SLC12A5: variants seen among roughly 807,000 people sequenced by gnomAD.
The protein encoded by SLC12A5 is K-Cl cotransporter 2.
A neutral mutation model predicts 124.0 loss-of-function variants in SLC12A5; 18 were observed. The observed-to-expected ratio is 0.15, with a 90% CI of 0.10 to 0.22. SLC12A5 has a LOEUF of 0.22. SLC12A5 is among the 10% of genes least tolerant of loss of function. The pLI is 1.00. For synonymous variants in SLC12A5, 589 were observed against 568.0 expected (o/e 1.04, Z -0.53); for missense variants, 867 against 1,478.7 (o/e 0.59, Z 6.78).
intron 11 of SLC12A5, chr20:46,044,709 G>C (rs1052989899): frequency 9.8e-6 from 5 of 509,586 alleles, no homozygotes; most frequent in Middle Eastern, 5.2e-4. Flanking sequence ...CTTCTGTAAG[G>C]GAATGCAGTG....
upstream of SLC12A5, among the ~76,000 whole-genome samples, chr20:46,028,514 T>A (rs2084417367): frequency 6.6e-6 from 1 of 152,082 alleles, no homozygotes; most frequent in Non-Finnish European, 1.5e-5. Context: ...ATGAGAGAGT[T>A]CCTTGGAACT....
intron 4 of SLC12A5, 34 bp downstream of exon 4, chr20:46,035,957 C>A: frequency 6.3e-7 from 1 of 1,586,296 alleles, no homozygotes; most frequent in Non-Finnish European, 8.6e-7. Context: ...CACCCCCTGA[C>A]AGCTGGGGCT....
At chr20:46,025,735 G>T (rs2084392235), upstream of SLC12A5, among the ~76,000 whole-genome samples, 1 of 152,208 alleles carries the variant, frequency 6.6e-6, no homozygotes, top group South Asian at 2.1e-4. Context: ...AGCCCTGTGT[G>T]TGTGGGGCGT....
At chr20:46,048,385 T>C (rs2084617545) in intron 16 of SLC12A5, among the ~76,000 whole-genome samples, 1 of 152,206 alleles carries the variant, frequency 6.6e-6, no homozygotes, top group South Asian at 2.1e-4. Flanking sequence ...GAATGCCTGA[T>C]GTATGGCAAG....
At chr20:46,029,059 C>T, upstream of SLC12A5, 1 of 1,185,572 alleles carries the variant, frequency 8.4e-7, no homozygotes, top group Non-Finnish European at 1.1e-6. Flanking sequence ...CCCTCATCTT[C>T]TCTTCTCTCT....
intron 1 of SLC12A5, among the ~76,000 whole-genome samples, chr20:46,031,523 T>C (rs2084449162): frequency 6.6e-6 from 1 of 152,192 alleles, no homozygotes; most frequent in African/African-American, 2.4e-5. Flanking sequence ...AAGGAACTGG[T>C]TGCTGACCTC....
In SLC12A5 at chr20:46,053,550, C is replaced by A. The variant is rs762221258; in HGVS notation, c.2548-28C>A. On this transcript the variant is annotated intron_variant, in intron 19 of 25. Transcript: ENST00000243964. This position sits in a 1 kb window ranked among gnomAD's most constrained non-coding sequence, Gnocchi z 4.7. Reference sequence around the variant, plus strand: ...TCTCCTCATCACATCTGGGCTGGACCTTTCTGAATCCCCTTCATCGCCTGC... The same window carrying A: ...TCTCCTCATCACATCTGGGCTGGACATTTCTGAATCCCCTTCATCGCCTGC... 1.9e-6 allele frequency: 3 copies of A among 1,612,230 alleles called. No homozygotes were observed. In the African/African-American group the frequency reaches 4.0e-5, roughly 22 times the overall value.
intron 1 of SLC12A5, 54 bp from the exon 2 acceptor site, chr20:46,034,894 G>T: frequency 6.5e-7 from 1 of 1,543,814 alleles, no homozygotes. Context: ...GTATGCCCAG[G>T]TGGTTGGACA....
In SLC12A5 at chr20:46,029,383, G is replaced by A. The variant is rs2145473827; in HGVS notation, c.39G>A (p.Gly13=). ...TGACGGACTGCGAGGACGGCGATGGGGGAGCCAACCCGGGTAAGCTGTGGT... is the reference window on the plus strand; with the variant it reads ...TGACGGACTGCGAGGACGGCGATGGAGGAGCCAACCCGGGTAAGCTGTGGT... ...NNLTDCEDGD[G]GANPGDGNPK... Residue 13 remains glycine (G), a synonymous_variant, in exon 1 of 26, where the codon GGG becomes GGA. Transcript: ENST00000243964. The A allele has an allele frequency of 6.5e-7, 1 of 1,549,676 alleles. No homozygotes were observed.
chr20:46,057,297 G>C lies in SLC12A5; in HGVS notation c.3253G>C (p.Glu1085Gln). The C allele has an allele frequency of 6.2e-7, 1 of 1,614,208 alleles. No homozygotes were observed. Among genetic ancestry groups the C allele is most frequent in the Non-Finnish European group, 8.5e-7 (1 of 1,180,028 alleles). The part of the protein sequence containing the change: ...PGPPRNRNGD[E>Q]NYMEFLEVLT... ...GCCTCCCCGCAACCGCAATGGTGAT[G>C]AAAACTGTATCCTGGAATTAAAATT... The change falls in exon 25 of 26, where the codon GAA (glutamate) becomes CAA (glutamine). Residue 1085 changes from glutamate (E) to glutamine (Q), a missense_variant. Coordinates refer to ENST00000243964, the MANE Select transcript of SLC12A5 (RefSeq NM_020708.5). The surrounding 1 kb of genome is among the most constrained non-coding windows in gnomAD (Gnocchi z 7.1).
At position 46,053,105 on chromosome 20, in the gene SLC12A5, C is replaced by G. The variant is rs1475701538; in HGVS notation, c.2526C>G (p.Pro842=). Residue 842 remains proline (P), a synonymous_variant, in exon 19 of 26, where the codon CCC becomes CCG. Coordinates refer to ENST00000243964, the MANE Select transcript of SLC12A5 (RefSeq NM_020708.5). This position sits in a 1 kb window ranked among gnomAD's most constrained non-coding sequence, Gnocchi z 4.7. ...VHDGGMLMLL[P]FLLRHHKVWR... Reference sequence around the variant, plus strand: ...ATGGAGGCATGCTCATGCTGCTGCCCTTCCTGCTGCGGCACCACAAGGTGA... The same window carrying G: ...ATGGAGGCATGCTCATGCTGCTGCCGTTCCTGCTGCGGCACCACAAGGTGA... 1.9e-6 allele frequency: 3 copies of G among 1,610,508 alleles called. No individual in the cohort carries two copies. The South Asian group carries it at 3.3e-5, about 18-fold the overall frequency.
In SLC12A5 at chr20:46,047,969, C is replaced by A; in HGVS notation, c.1908-12C>A. On this transcript the variant is annotated splice_polypyrimidine_tract_variant and intron_variant, in intron 15 of 25. Transcript: ENST00000243964. ...CTTTCTGCTCTCATGTGATCCACTT[C>A]CCGGCTCCCAGGGCAGAGAAGGAGT... The A allele has an allele frequency of 6.2e-7, 1 of 1,600,564 alleles. No homozygotes were observed.
upstream of SLC12A5, chr20:46,021,800 C>A (rs1351713527): frequency 6.5e-7 from 1 of 1,533,154 alleles, no homozygotes; most frequent in East Asian, 2.5e-5. Context: ...TCGCTGCCCC[C>A]CGCAGGGCCC....
upstream of SLC12A5, among the ~76,000 whole-genome samples, chr20:46,025,452 C>T (rs1323854156): frequency 2.6e-5 from 4 of 152,160 alleles, no homozygotes; most frequent in East Asian, 5.8e-4. Flanking sequence ...TGGTGACAGG[C>T]TGCTCTCTCT....
At chr20:46,039,085 G>T (rs1159654379) in intron 6 of SLC12A5, among the ~76,000 whole-genome samples, 2 of 152,162 alleles carry the variant, frequency 1.3e-5, no homozygotes, top group Non-Finnish European at 2.9e-5. Context: ...TAACATTTTG[G>T]TGTATTGCCT....
Position 46,043,725 on chromosome 20 carries a change from G to A in SLC12A5, c.1330G>A (p.Ala444Thr). 6.2e-7 allele frequency: 1 copy of A among 1,614,202 alleles called. No homozygotes were observed. ...GTILAIATTS[A>T]VYISSVVLFG... is the part of the protein sequence containing the mutation. ...CATCCTGGCCATCGCCACCACCTCT[G>A]CTGTCTGTATCCTGCACAGCTGTGC... Residue 444 changes from alanine (A) to threonine (T), a missense_variant, in exon 10 of 26, where the codon GCT (alanine) becomes ACT (threonine). Transcript: ENST00000243964.
At position 46,051,873 on chromosome 20, in the gene SLC12A5, A is replaced by G; in HGVS notation, c.2377+3A>G. The G allele has an allele frequency of 6.5e-7, 1 of 1,543,768 alleles. No individual in the cohort carries two copies. The highest frequency in any genetic ancestry group is 8.7e-7 in the Non-Finnish European group (1 of 1,149,272). On this transcript the variant is annotated splice_donor_region_variant and intron_variant, in intron 18 of 25. Transcript: ENST00000243964. ...TCAGACGTGGAGGAACTTCATTGGT[A>G]ACGCTATTGGGGGCTGGGGACAGAA...
chr20:46,026,737 G>T (rs1051168334), upstream of SLC12A5, among the ~76,000 whole-genome samples: 3 of 152,182 alleles, frequency 2.0e-5, no homozygotes, highest in Non-Finnish European at 4.4e-5. Context: ...ACCTGATTTT[G>T]CCCAGAGATA....
At chr20:46,022,856 G>A (rs2084366399) in intron 1 of SLC12A5, 1 of 399,270 alleles carries the variant, frequency 2.5e-6, no homozygotes, top group African/African-American at 2.1e-5. Flanking sequence ...CCCCTCAGGG[G>A]GCACTCATCA....
Sources: allele counts gnomAD v4.1 joint callset (sites outside exome capture counted in the v4.1 genomes callset), GRCh38; gene constraint gnomAD v4.1.1; non-coding constraint Gnocchi (gnomAD v3.1); transcripts MANE v1.5; gene names NCBI Gene and HGNC (gene_info 2026-07-23, HGNC 2026-07-21).